The following FGF18 variants were observed in gnomAD, a reference collection of about 807,000 sequenced individuals.
The protein encoded by FGF18 is fibroblast growth factor 18.
A neutral mutation model predicts 23.0 loss-of-function variants in FGF18; 5 were observed. The ratio of observed to expected loss-of-function variants is 0.22; its 90% CI spans 0.11 to 0.46. The LOEUF is 0.46. Ranked by LOEUF, FGF18 falls within the 20% of genes least tolerant of loss-of-function variation. The pLI is 0.99. For missense variants in FGF18, 180 were observed against 291.6 expected, an observed-to-expected ratio of 0.62 and a Z score of 2.79; for synonymous variants, 117 against 118.9, an observed-to-expected ratio of 0.98 and a Z score of 0.10.
chr5:171,426,741 G>A (rs1265895860), intron 2 of FGF18, among the ~76,000 whole-genome samples: 1 of 152,246 alleles, frequency 6.6e-6, no homozygotes, highest in Non-Finnish European at 1.5e-5. Context: ...ACCCGCCTGG[G>A]TATCAGTGAG....
intron 2 of FGF18, among the ~76,000 whole-genome samples, chr5:171,427,911 C>CG (rs1561884665): frequency 1.3e-5 from 2 of 152,148 alleles, no homozygotes; most frequent in African/African-American, 4.8e-5. Context: ...GGGCCCAGCA[C>CG]GCTTCAGTTG....
intron 4 of FGF18, 137 bp downstream of exon 4, chr5:171,449,390 TGTGTGTGTGTGAGAGA>T (rs1772462341): frequency 1.4e-5 from 7 of 518,058 alleles, no homozygotes; most frequent in South Asian, 3.8e-5. Flanking sequence ...TGTGTGTGTG[TGTGTGTGTGTGAGAGA>T]GAGAGAGAGA....
chr5:171,423,663 GCCT>G (rs1035737586), intron 2 of FGF18, among the ~76,000 whole-genome samples: 3 of 152,148 alleles, frequency 2.0e-5, no homozygotes, highest in African/African-American at 7.2e-5. Flanking sequence ...CCCACACCCA[GCCT>G]CCTCAGTGAG....
chr5:171,422,600 G>T, intron 2 of FGF18, among the ~76,000 whole-genome samples: 1 of 152,184 alleles, frequency 6.6e-6, no homozygotes, highest in East Asian at 1.9e-4. Context: ...AGGTTGTCAG[G>T]CTTATGTCCC....
At chr5:171,455,645 C>T (rs1013950645) in intron 4 of FGF18, among the ~76,000 whole-genome samples, 5 of 152,178 alleles carry the variant, frequency 3.3e-5, no homozygotes, top group African/African-American at 9.7e-5. Flanking sequence ...GACAGGATCT[C>T]CCCTCATGGT....
chr5:171,441,306 A>C (rs1179553336), intron 3 of FGF18, among the ~76,000 whole-genome samples: 2 of 152,188 alleles, frequency 1.3e-5, no homozygotes, highest in African/African-American at 4.8e-5. Context: ...AGAGGTGCTC[A>C]TCTCACTTAG....
intron 2 of FGF18, among the ~76,000 whole-genome samples, chr5:171,433,325 T>G (rs1461702686): frequency 6.6e-6 from 1 of 152,166 alleles, no homozygotes; most frequent in East Asian, 1.9e-4. Flanking sequence ...GCAGCTCCCC[T>G]TGGGGACCTG....
chr5:171,447,714 A>AT (rs1404461676), intron 3 of FGF18, among the ~76,000 whole-genome samples: 1 of 151,980 alleles, frequency 6.6e-6, no homozygotes, highest in Non-Finnish European at 1.5e-5. Context: ...ATATTTGTAA[A>AT]TTTTTTTATT....
intron 3 of FGF18, among the ~76,000 whole-genome samples, chr5:171,446,490 C>G (rs1228557782): frequency 1.3e-5 from 2 of 152,184 alleles, no homozygotes; most frequent in Non-Finnish European, 2.9e-5. Flanking sequence ...GACAAAGACA[C>G]CCAATCTCAG....
chr5:171,441,372 C>G (rs988858067), intron 3 of FGF18, among the ~76,000 whole-genome samples: 1 of 152,208 alleles, frequency 6.6e-6, no homozygotes, highest in African/African-American at 2.4e-5. Context: ...GGCTCCTGAT[C>G]CTGCTGCAGC....
chr5:171,435,944 A>C, intron 2 of FGF18, 149 bp from the exon 3 acceptor site: 1 of 531,106 alleles, frequency 1.9e-6, no homozygotes, highest in Non-Finnish European at 3.0e-6. Flanking sequence ...GAATGGGGGT[A>C]GTGAGGGGGT....
rs1447843198 is a variant in FGF18, at chr5:171,451,659, C to T, written c.357+2406C>T. ...CCCTCCACCCCCACCCAGCTCCAAA[C>T]CCATCCATGGGTCCTCCCACCTTGC... On this transcript the variant is annotated intron_variant, in intron 4 of 4. Transcript: ENST00000274625. This position sits in a 1 kb window ranked among gnomAD's most constrained non-coding sequence, Gnocchi z 4.5. 6.6e-6 allele frequency among the ~76,000 whole-genome samples: 1 copy of T among 152,042 alleles called. No individual in the cohort carries two copies. The highest frequency in any genetic ancestry group is 2.4e-5 in the African/African-American group (1 of 41,432).
chr5:171,445,873 G>A (rs939421403), intron 3 of FGF18, among the ~76,000 whole-genome samples: 4 of 152,140 alleles, frequency 2.6e-5, no homozygotes, highest in African/African-American at 9.7e-5. Flanking sequence ...ATGGAGCTGT[G>A]CCTGAGCCCG....
intron 2 of FGF18, among the ~76,000 whole-genome samples, chr5:171,424,965 G>T (rs572357999): frequency 1.3e-5 from 2 of 152,182 alleles, no homozygotes; most frequent in Non-Finnish European, 2.9e-5. Flanking sequence ...TGGTTGGCAC[G>T]GCCAGTGTCA....
At chr5:171,441,495 G>A (rs1199499472) in intron 3 of FGF18, among the ~76,000 whole-genome samples, 2 of 152,190 alleles carry the variant, frequency 1.3e-5, no homozygotes, top group Non-Finnish European at 2.9e-5. Context: ...TTGCTGTCCT[G>A]AGAATGCTCT....
intron 2 of FGF18, among the ~76,000 whole-genome samples, chr5:171,423,508 G>A (rs1019128423): frequency 2.6e-5 from 4 of 152,254 alleles, no homozygotes; most frequent in Middle Eastern, 3.4e-3. Flanking sequence ...CAGGCTCGGC[G>A]GGGTGGGGGG....
At chr5:171,427,107 T>C (rs896182861) in intron 2 of FGF18, among the ~76,000 whole-genome samples, 4 of 151,106 alleles carry the variant, frequency 2.6e-5, no homozygotes, top group Non-Finnish European at 5.9e-5. Flanking sequence ...CTCAGAAAGC[T>C]GAGACAGGAG....
intron 4 of FGF18, among the ~76,000 whole-genome samples, chr5:171,453,459 G>T (rs1428917415): frequency 6.6e-6 from 1 of 152,170 alleles, no homozygotes; most frequent in Non-Finnish European, 1.5e-5. Context: ...GTGGCTATGT[G>T]GGCCTGGGGG....
At chr5:171,443,878 C>T (rs1444615008) in intron 3 of FGF18, among the ~76,000 whole-genome samples, 5 of 152,140 alleles carry the variant, frequency 3.3e-5, no homozygotes, top group South Asian at 4.2e-4. Context: ...CTGCTCTGTG[C>T]GGAGCCCTGG....
Sources: gnomAD v4.1 joint callset for allele counts (sites outside exome capture counted in the v4.1 genomes callset) on GRCh38, gnomAD v4.1.1 for gene constraint, Gnocchi (gnomAD v3.1) non-coding constraint, MANE v1.5 for transcripts, NCBI Gene and HGNC (gene_info 2026-07-23, HGNC 2026-07-21) for gene names.